CBL: variants seen among roughly 807,000 people sequenced by gnomAD.
CBL encodes Cbl proto-oncogene, also known as E3 ubiquitin-protein ligase CBL.
A neutral mutation model predicts 96.9 loss-of-function variants in CBL; 45 were observed. The ratio of observed to expected loss-of-function variants is 0.46; its 90% CI spans 0.37 to 0.60. The LOEUF (loss-of-function observed/expected upper bound fraction) is 0.60. Among genes scored for constraint, CBL ranks in the 20% least tolerant of loss-of-function variants. CBL has a pLI of 0.00. For missense variants in CBL, 1,024 were observed against 1,143.5 expected (o/e 0.90, Z 1.51); for synonymous variants, 420 against 426.8 (o/e 0.98, Z 0.20).
chr11:119,209,719 A>T (rs1406633214), intron 1 of CBL, among the ~76,000 whole-genome samples: 2 of 152,236 alleles, frequency 1.3e-5, no homozygotes, highest in African/African-American at 4.8e-5. Context: ...CTGGATGAAT[A>T]TTATTCCAGC....
rs1199845577 is a variant in CBL at position 119,303,241 on chromosome 11, C to G, written c.*3460C>G. Reference sequence around the variant, plus strand: ...TTCTCCTACCTCACGTCATTAAAGTCAGAAGATTATAGACCTTCTCAAACT... The same window carrying G: ...TTCTCCTACCTCACGTCATTAAAGTGAGAAGATTATAGACCTTCTCAAACT... On this transcript the variant is annotated 3_prime_UTR_variant, in exon 16 of 16. Transcript: ENST00000264033. 4.3e-6 allele frequency: 1 copy of G among 231,976 alleles called. No individual in the cohort carries two copies. The highest frequency in any genetic ancestry group is 6.1e-5 in the East Asian group (1 of 16,358). The allele number at this position is 231,976 out of a possible 1,614,324, so 14.4% of individuals were successfully genotyped here. A position where few individuals can be genotyped will look rare whatever the true frequency, so the allele number is the denominator to read the frequency against.
intron 2 of CBL, among the ~76,000 whole-genome samples, chr11:119,268,675 A>T (rs1437420638): frequency 6.6e-6 from 1 of 152,220 alleles, no homozygotes; most frequent in Non-Finnish European, 1.5e-5. Context: ...AGAACTGAAA[A>T]TAGCAGAGAG....
chr11:119,218,450 A>T (rs1326626245), intron 1 of CBL, among the ~76,000 whole-genome samples: 1 of 152,226 alleles, frequency 6.6e-6, no homozygotes, highest in Non-Finnish European at 1.5e-5. Flanking sequence ...TCATATCCAT[A>T]GTTTCGCTTC....
intron 2 of CBL, among the ~76,000 whole-genome samples, chr11:119,269,238 G>T (rs1245665658): frequency 6.8e-6 from 1 of 146,428 alleles, no homozygotes; most frequent in Non-Finnish European, 1.5e-5. Context: ...TTAAAGATTG[G>T]ATAAGTGCTT....
intron 4 of CBL, 85 bp downstream of exon 4, chr11:119,274,109 TG>T (rs1949869775): frequency 1.1e-5 from 12 of 1,068,772 alleles, no homozygotes; most frequent in Non-Finnish European, 1.7e-5. Context: ...AAATAACATT[TG>T]GGGTTTTTGT....
rs2135325776 is a variant in CBL, at chr11:119,304,568, A to G, written c.*4787A>G. ...CCCCAAATAGGCACTCTAGTCCTCA[A>G]GTCTACACCACCTTCCAACTCTGGG... On this transcript the variant is annotated 3_prime_UTR_variant, in exon 16 of 16. Coordinates refer to ENST00000264033, the MANE Select transcript of CBL (RefSeq NM_005188.4). The G allele has an allele frequency of 4.3e-6, 1 of 232,156 alleles. No individual in the cohort carries two copies. The highest frequency in any genetic ancestry group is 1.8e-4 in the South Asian group (1 of 5,500). 14.4% of individuals were successfully genotyped at this position (232,156 alleles called of 1,614,324 possible).
chr11:119,238,429 C>T (rs1291974827), intron 2 of CBL, among the ~76,000 whole-genome samples: 2 of 151,226 alleles, frequency 1.3e-5, no homozygotes, highest in East Asian at 2.0e-4. Flanking sequence ...AGGCTGGTCT[C>T]GAACTCCTGG....
chr11:119,275,718 C>T (rs1002899234), intron 5 of CBL, among the ~76,000 whole-genome samples: 1 of 151,780 alleles, frequency 6.6e-6, no homozygotes, highest in Non-Finnish European at 1.5e-5. Context: ...CAAAAATTAG[C>T]CAGGTGTGGT....
chr11:119,298,207 T>A, intron 14 of CBL, 151 bp from the exon 15 acceptor site: 1 of 743,098 alleles, frequency 1.3e-6, no homozygotes, highest in South Asian at 1.5e-5. Context: ...TTATCTCTGT[T>A]TACATGGTGT....
chr11:119,211,492 T>A (rs547466893), intron 1 of CBL, among the ~76,000 whole-genome samples: 42 of 152,118 alleles, frequency 2.8e-4, no homozygotes, highest in Non-Finnish European at 5.3e-4. Context: ...TCTTTGTTGT[T>A]ATTGTTACAA....
intron 1 of CBL, among the ~76,000 whole-genome samples, chr11:119,215,553 C>G (rs1949352966): frequency 6.6e-6 from 1 of 151,762 alleles, no homozygotes; most frequent in African/African-American, 2.4e-5. Context: ...GTAATCCCAG[C>G]TCCTCGGGAG....
At chr11:119,256,047 A>G (rs1025605271) in intron 2 of CBL, among the ~76,000 whole-genome samples, 3 of 151,788 alleles carry the variant, frequency 2.0e-5, no homozygotes, top group African/African-American at 7.3e-5. Context: ...TACATTTAAA[A>G]ATAATGCCTG....
chr11:119,216,560 T>G (rs1949362279), intron 1 of CBL, among the ~76,000 whole-genome samples: 1 of 151,696 alleles, frequency 6.6e-6, no homozygotes, highest in African/African-American at 2.4e-5. Context: ...TTAGTAGAGA[T>G]GGGGTTTCAC....
At chr11:119,212,522 A>G (rs893163547) in intron 1 of CBL, among the ~76,000 whole-genome samples, 1 of 151,846 alleles carries the variant, frequency 6.6e-6, no homozygotes, top group Non-Finnish European at 1.5e-5. Context: ...GCTACTCGGG[A>G]GGCTGAGGCA....
intron 1 of CBL, among the ~76,000 whole-genome samples, chr11:119,212,671 T>A (rs1487671461): frequency 6.6e-6 from 1 of 151,676 alleles, no homozygotes; most frequent in African/African-American, 2.4e-5. Context: ...AATAAATAAA[T>A]TTTATTTTTA....
Position 119,229,762 on chromosome 11 carries a change from C to G in CBL, c.196-2686C>G, listed in dbSNP as rs181978379. ...TTTTTTTCTTGAGACCAGAATCTTGCTGTGGCCCAGGCTGGAGGGCAGTGG... is the reference window on the plus strand; with the variant it reads ...TTTTTTTCTTGAGACCAGAATCTTGGTGTGGCCCAGGCTGGAGGGCAGTGG... On this transcript the variant is annotated intron_variant, in intron 1 of 15. Coordinates refer to ENST00000264033, the MANE Select transcript of CBL (RefSeq NM_005188.4). 5.4e-4 allele frequency among the ~76,000 whole-genome samples: 81 copies of G among 150,962 alleles called. 1 individual carries two copies. In the East Asian group the frequency reaches 0.013, roughly 24 times the overall value.
chr11:119,283,825 G>T (rs1262523716), intron 9 of CBL, among the ~76,000 whole-genome samples: 1 of 151,206 alleles, frequency 6.6e-6, no homozygotes, highest in Non-Finnish European at 1.5e-5. Flanking sequence ...TTTTAGTAGA[G>T]ACGGGGTTTC....
chr11:119,218,028 G>C (rs1338092435), intron 1 of CBL, among the ~76,000 whole-genome samples: 1 of 152,146 alleles, frequency 6.6e-6, no homozygotes, highest in Non-Finnish European at 1.5e-5. Flanking sequence ...CTATGATCCT[G>C]CTACTGTGCA....
At position 119,271,405 on chromosome 11, in the gene CBL, G is replaced by A. The variant is rs562386136; in HGVS notation, c.444-330G>A. Among the ~76,000 whole-genome samples, 8 of 152,278 alleles carry A rather than the reference G, an allele frequency of 5.3e-5. 1 individual carries two copies. The highest frequency in any genetic ancestry group is 4.6e-4 in the Admixed American group (7 of 15,296). ...TTACTTCATAATATCTATTTGAATG[G>A]AGGAGATACAAGTGGAGGCAGTGAA... is the stretch of plus-strand genomic sequence containing the variant. On this transcript the variant is annotated intron_variant, in intron 2 of 15. Coordinates refer to ENST00000264033, the MANE Select transcript of CBL (RefSeq NM_005188.4).
Sources: allele counts gnomAD v4.1 joint callset (sites outside exome capture counted in the v4.1 genomes callset), GRCh38; gene constraint gnomAD v4.1.1; transcripts MANE v1.5; gene names NCBI Gene and HGNC (gene_info 2026-07-23, HGNC 2026-07-21).